Variants in PRKDC observed in about 807,000 individuals in gnomAD.
PRKDC encodes DNA-dependent protein kinase catalytic subunit.
A neutral mutation model predicts 486.9 loss-of-function variants in PRKDC; 82 were observed. That is an observed-to-expected ratio of 0.17 (90% CI 0.14 to 0.20). The LOEUF is 0.20. PRKDC is among the 10% of genes least tolerant of loss of function. PRKDC has a pLI of 1.00. For missense variants in PRKDC, 4,504 were observed against 5,038.2 expected (o/e 0.89, Z 3.21); for synonymous variants, 1,895 against 1,837.0 (o/e 1.03, Z -0.81).
chr8:47,898,436 G>T, intron 29 of PRKDC, 34 bp downstream of exon 29: 1 of 1,488,160 alleles, frequency 6.7e-7, no homozygotes. Flanking sequence ...TTTATGTTGT[G>T]GGAAAAGACG....
intron 40 of PRKDC, among the ~76,000 whole-genome samples, chr8:47,868,263 T>C (rs1416763287): frequency 6.6e-6 from 1 of 152,114 alleles, no homozygotes; most frequent in Non-Finnish European, 1.5e-5. Context: ...CAATTTCTTT[T>C]TAAATATTTT....
chr8:47,952,744 C>T (rs1299330225), intron 7 of PRKDC, among the ~76,000 whole-genome samples: 1 of 152,202 alleles, frequency 6.6e-6, no homozygotes, highest in Non-Finnish European at 1.5e-5. Context: ...TGGCTCATGC[C>T]TGTAATCCCA....
At chr8:47,949,501 C>G (rs571764991) in intron 7 of PRKDC, among the ~76,000 whole-genome samples, 1 of 152,188 alleles carries the variant, frequency 6.6e-6, no homozygotes, top group Non-Finnish European at 1.5e-5. Context: ...CTACTATTTT[C>G]CTTCCACTAT....
intron 57 of PRKDC, 109 bp downstream of exon 57, chr8:47,837,103 A>G (rs2088041860): frequency 1.7e-6 from 2 of 1,210,736 alleles, no homozygotes; most frequent in African/African-American, 3.1e-5. Flanking sequence ...CCTTTTCAGA[A>G]AGGAATGTGT....
intron 18 of PRKDC, 91 bp from the exon 19 acceptor site, chr8:47,929,269 G>A (rs1338570652): frequency 1.1e-5 from 10 of 875,682 alleles, no homozygotes; most frequent in East Asian, 2.7e-5. Flanking sequence ...TCAGAGGGGT[G>A]AATCCATTTC....
rs1372098693 is a variant in PRKDC, at chr8:47,935,865, G to A, written c.1314C>T (p.Leu438=). 9 of 1,613,742 alleles carry A rather than the reference G, an allele frequency of 5.6e-6. No homozygotes were observed. The highest frequency in any genetic ancestry group is 1.7e-5 in the Admixed American group (1 of 59,978). Residue 438 remains leucine, a synonymous_variant, in exon 13 of 86, where the codon CTC becomes CTT. Transcript: ENST00000314191. ...PEVYTPVLEH[L]VVMQIDSFPQ... ...GGAAACTGTCTATCTGCATCACCACGAGGTGCTCCAGAACTGGAGTATACA... is the reference window on the plus strand; with the variant it reads ...GGAAACTGTCTATCTGCATCACCACAAGGTGCTCCAGAACTGGAGTATACA...
At chr8:47,930,854 T>C (rs893864312) in intron 16 of PRKDC, 67 bp from the exon 17 acceptor site, 25 of 1,426,980 alleles carry the variant, frequency 1.8e-5, no homozygotes, top group Non-Finnish European at 2.3e-5. Context: ...CAAATAACTT[T>C]CCAACTGACT....
intron 70 of PRKDC, among the ~76,000 whole-genome samples, chr8:47,801,480 A>C (rs1331374959): frequency 1.3e-5 from 2 of 152,240 alleles, no homozygotes; most frequent in Non-Finnish European, 2.9e-5. Context: ...TTAATGAAAA[A>C]TGTTCTTTGT....
Position 47,828,245 on chromosome 8 carries a change from G to T in PRKDC, c.8500C>A (p.Gln2834Lys). 6.2e-7 allele frequency: 1 copy of T among 1,613,468 alleles called. No homozygotes were observed. Among genetic ancestry groups the T allele is most frequent in the Non-Finnish European group, 8.5e-7 (1 of 1,179,650 alleles). Residue 2834 changes from glutamine to lysine, a missense_variant, in exon 62 of 86, where the codon CAA (glutamine) becomes AAA (lysine). By Grantham distance (53) the Gln-to-Lys change is moderately conservative. Transcript: ENST00000314191. The part of the protein sequence containing the change: ...KTLSEKNNIT[Q>K]KLLQDFNRFL... ...CGATTGAAGTCTTGAAGCAACTTTT[G>T]AGTGATGTTGTTTTTTTCAGACAGT...
At chr8:47,939,781 G>A in intron 10 of PRKDC, 84 bp from the exon 11 acceptor site, 1 of 1,169,344 alleles carries the variant, frequency 8.6e-7, no homozygotes, top group Non-Finnish European at 1.2e-6. Context: ...GAACTGTTTA[G>A]ATGCTACTAA....
At chr8:47,932,897 T>A in intron 16 of PRKDC, 123 bp downstream of exon 16, 2 of 780,008 alleles carry the variant, frequency 2.6e-6, no homozygotes, top group Non-Finnish European at 3.9e-6. Flanking sequence ...CACATAATAA[T>A]CCTGAAGAAC....
intron 69 of PRKDC, chr8:47,805,096 A>T (rs1244897373): frequency 6.6e-6 from 1 of 151,882 alleles, no homozygotes; most frequent in Non-Finnish European, 1.5e-5. Context: ...TAGTCAAGTG[A>T]AGCATCAGAA....
chr8:47,945,521 C>T (rs1439757614), intron 7 of PRKDC, among the ~76,000 whole-genome samples: 2 of 152,172 alleles, frequency 1.3e-5, no homozygotes, highest in East Asian at 3.8e-4. Flanking sequence ...TCGTGGCTGG[C>T]TTATTCCACT....
intron 56 of PRKDC, among the ~76,000 whole-genome samples, chr8:47,837,667 T>G (rs1341967165): frequency 1.3e-5 from 2 of 152,044 alleles, no homozygotes; most frequent in African/African-American, 4.8e-5. Context: ...AACTGGGTGA[T>G]TTTATTCTCT....
At chr8:47,878,908 TC>T (rs2089146080) in intron 39 of PRKDC, among the ~76,000 whole-genome samples, 1 of 152,182 alleles carries the variant, frequency 6.6e-6, no homozygotes, top group Non-Finnish European at 1.5e-5. Context: ...TTGAGTCCTA[TC>T]CCCGGGATAT....
At chr8:47,813,525 T>G (rs1248703896) in intron 68 of PRKDC, among the ~76,000 whole-genome samples, 3 of 152,198 alleles carry the variant, frequency 2.0e-5, no homozygotes, top group African/African-American at 7.2e-5. Flanking sequence ...TAGGTTTCAC[T>G]GGTAAATCCT....
chr8:47,905,657 C>T (rs2089767283), intron 25 of PRKDC, among the ~76,000 whole-genome samples: 1 of 152,098 alleles, frequency 6.6e-6, no homozygotes, highest in Non-Finnish European at 1.5e-5. Flanking sequence ...AGGGGAGGAA[C>T]ATAGAAAAAC....
chr8:47,867,185 G>C (rs1026072850), intron 40 of PRKDC, among the ~76,000 whole-genome samples: 1 of 152,178 alleles, frequency 6.6e-6, no homozygotes, highest in Admixed American at 6.5e-5. Context: ...TCTATATGCT[G>C]ATAGGGCGAG....
At chr8:47,823,198 T>C (rs1321272376) in intron 64 of PRKDC, among the ~76,000 whole-genome samples, 4 of 151,932 alleles carry the variant, frequency 2.6e-5, no homozygotes, top group South Asian at 2.1e-4. Context: ...TAGCCAGGCA[T>C]GTTGGTGCAT....
Sources: allele counts gnomAD v4.1 joint callset (sites outside exome capture counted in the v4.1 genomes callset), GRCh38; gene constraint gnomAD v4.1.1; transcripts MANE v1.5; gene names NCBI Gene and HGNC (gene_info 2026-07-23, HGNC 2026-07-21).